Variants in PRICKLE2 observed in about 807,000 individuals in gnomAD.
PRICKLE2 encodes prickle-like protein 2.
Under a neutral mutation model 81.4 loss-of-function variants are expected in PRICKLE2, and 21 were observed. The observed-to-expected ratio is 0.26, with a 90% CI of 0.18 to 0.37. PRICKLE2 has a LOEUF of 0.37. Ranked by LOEUF, PRICKLE2 falls within the 10% of genes least tolerant of loss-of-function variation. PRICKLE2 has a pLI of 1.00. For synonymous variants in PRICKLE2, 456 were observed against 421.5 expected, an observed-to-expected ratio of 1.08 and a Z score of -1.00; for missense variants, 940 against 1,109.0, an observed-to-expected ratio of 0.85 and a Z score of 2.16.
intron 2 of PRICKLE2, among the ~76,000 whole-genome samples, chr3:64,240,073 T>A (rs1158427844): frequency 2.0e-5 from 3 of 151,708 alleles, no homozygotes; most frequent in African/African-American, 7.3e-5. Flanking sequence ...CAGGGAGCTG[T>A]GTTCACACCA....
At chr3:64,136,442 T>C (rs2077280940) in intron 7 of PRICKLE2, among the ~76,000 whole-genome samples, 1 of 149,548 alleles carries the variant, frequency 6.7e-6, no homozygotes, top group African/African-American at 2.5e-5. Flanking sequence ...GCCCAAGAAT[T>C]TGCACAATTG....
chr3:64,131,780 A>G (rs556628740), intron 7 of PRICKLE2, among the ~76,000 whole-genome samples: 18 of 152,310 alleles, frequency 1.2e-4, no homozygotes, highest in African/African-American at 4.1e-4. Context: ...TGCACATGGT[A>G]TTCCCGACCT....
chr3:64,204,559 T>C (rs959459848), intron 1 of PRICKLE2, among the ~76,000 whole-genome samples: 3 of 148,278 alleles, frequency 2.0e-5, no homozygotes, highest in Non-Finnish European at 4.5e-5. Context: ...CCCTTTTACT[T>C]CTGAACAACA....
rs144323180 is a variant in PRICKLE2, at chr3:64,176,622, T to G, written c.145-13493A>C. Among the ~76,000 whole-genome samples, 430 of 152,340 alleles carry G rather than the reference T, an allele frequency of 2.8e-3. 2 individuals carry two copies. The highest frequency in any genetic ancestry group is 9.9e-3 in the African/African-American group (411 of 41,578). On this transcript the variant is annotated intron_variant, in intron 2 of 7. Coordinates refer to ENST00000638394, the MANE Select transcript of PRICKLE2 (RefSeq NM_198859.4). The stretch of plus-strand genomic sequence containing the variant: ...CTGGAGCTTACTGATCACAGGACAT[T>G]GTTGGAAACACATTTTAGAATACAG...
chr3:64,108,982 C>T lies in PRICKLE2; in HGVS notation c.1661-9057G>A, dbSNP rs564814060. Among the ~76,000 whole-genome samples, 3 of 152,212 alleles carry T rather than the reference C, an allele frequency of 2.0e-5. No individual in the cohort carries two copies. In the East Asian group the frequency reaches 5.8e-4, roughly 30 times the overall value. The stretch of plus-strand genomic sequence containing the variant: ...GCCCCGAAATGTCTCCAAACAGTGC[C>T]AAATGTCCCTGGAGGGCAAAATCGC... On this transcript the variant is annotated intron_variant, in intron 7 of 7. Coordinates refer to ENST00000638394, the MANE Select transcript of PRICKLE2 (RefSeq NM_198859.4).
intron 2 of PRICKLE2, among the ~76,000 whole-genome samples, chr3:64,249,808 ACT>A (rs1441352651): frequency 4.6e-5 from 7 of 152,138 alleles, no homozygotes; most frequent in Admixed American, 1.3e-4. Flanking sequence ...GAAGGTGGAG[ACT>A]CTCTTTTGTG....
At chr3:64,231,585 T>C (rs139847929) in intron 2 of PRICKLE2, among the ~76,000 whole-genome samples, 358 of 152,294 alleles carry the variant, frequency 2.4e-3, no homozygotes, top group Admixed American at 4.6e-3. Context: ...AAATGAATGA[T>C]ATCCTAGAAA....
rs138739378 is a variant in PRICKLE2, at chr3:64,131,911, C to G, written c.1660+14919G>C. Among the ~76,000 whole-genome samples the G allele has an allele frequency of 7.9e-5, 12 of 152,270 alleles. No homozygotes were observed. In the East Asian group the frequency reaches 2.3e-3, roughly 29 times the overall value. ...CAGGGCAGTGTTCTCAGAGGGATAC[C>G]AGGAGGTGGAATTTGAGCCAGCAAT... On this transcript the variant is annotated intron_variant, in intron 7 of 7. Coordinates refer to ENST00000638394, the MANE Select transcript of PRICKLE2 (RefSeq NM_198859.4).
intron 7 of PRICKLE2, among the ~76,000 whole-genome samples, chr3:64,142,522 G>A (rs1292882518): frequency 6.6e-6 from 1 of 152,048 alleles, no homozygotes; most frequent in Admixed American, 6.6e-5. Context: ...CGTTGGCAAG[G>A]CTGGTCTTGA....
intron 7 of PRICKLE2, chr3:64,101,711 T>A (rs1239567935): frequency 6.6e-6 from 1 of 152,228 alleles, no homozygotes; most frequent in Admixed American, 6.5e-5. Flanking sequence ...TAGAGTAAGT[T>A]CACAAGAAGG....
chr3:64,140,852 G>C (rs1236950427), intron 7 of PRICKLE2, among the ~76,000 whole-genome samples: 2 of 152,256 alleles, frequency 1.3e-5, no homozygotes, highest in African/African-American at 4.8e-5. Context: ...AAATCAACAA[G>C]CCAGCTGTCA....
chr3:64,222,867 G>A (rs1018014269), intron 1 of PRICKLE2, among the ~76,000 whole-genome samples: 1 of 152,236 alleles, frequency 6.6e-6, no homozygotes, highest in Non-Finnish European at 1.5e-5. Context: ...GGACCCCGCA[G>A]CTTTCTACAT....
intron 1 of PRICKLE2, 67 bp from the exon 2 acceptor site, chr3:64,199,034 A>G (rs2078517654): frequency 2.8e-6 from 4 of 1,446,610 alleles, no homozygotes; most frequent in Admixed American, 1.9e-5. Context: ...AGAGCCTGCC[A>G]GTCACTAGCC....
intron 2 of PRICKLE2, among the ~76,000 whole-genome samples, chr3:64,266,722 A>C (rs2079715543): frequency 6.6e-6 from 1 of 152,164 alleles, no homozygotes; most frequent in African/African-American, 2.4e-5. Context: ...TAATTACTCA[A>C]CTAGCTGCAC....
chr3:64,209,652 T>C (rs2078754544), intron 1 of PRICKLE2, among the ~76,000 whole-genome samples: 1 of 152,134 alleles, frequency 6.6e-6, no homozygotes, highest in African/African-American at 2.4e-5. Flanking sequence ...CCACCAACAT[T>C]GACTGAGCAG....
At chr3:64,148,458 C>A (rs951995965) in intron 6 of PRICKLE2, among the ~76,000 whole-genome samples, 6 of 152,216 alleles carry the variant, frequency 3.9e-5, no homozygotes, top group African/African-American at 1.2e-4. Context: ...ATCTCCAGGA[C>A]CTGGAACATG....
intron 7 of PRICKLE2, among the ~76,000 whole-genome samples, chr3:64,124,942 G>T (rs190162899): frequency 4.6e-5 from 7 of 152,274 alleles, no homozygotes; most frequent in Admixed American, 4.6e-4. Context: ...TCACAGGGCT[G>T]CATCAATAGT....
chr3:64,230,884 G>T (rs971902491), intron 2 of PRICKLE2, among the ~76,000 whole-genome samples: 3 of 152,192 alleles, frequency 2.0e-5, no homozygotes, highest in African/African-American at 7.2e-5. Flanking sequence ...GGTTTCCAAA[G>T]AAGGCAACAG....
chr3:64,181,070 G>A (rs1390999232), intron 2 of PRICKLE2, among the ~76,000 whole-genome samples: 6 of 152,192 alleles, frequency 3.9e-5, no homozygotes, highest in Non-Finnish European at 2.9e-5. Context: ...TCATTCGTGT[G>A]TAGCATTTTC....
Sources: allele counts gnomAD v4.1 joint callset (sites outside exome capture counted in the v4.1 genomes callset), GRCh38; gene constraint gnomAD v4.1.1; transcripts MANE v1.5; gene names NCBI Gene and HGNC (gene_info 2026-07-23, HGNC 2026-07-21).